Variants in PARP11 observed in about 807,000 individuals in gnomAD.
The protein encoded by PARP11 is protein mono-ADP-ribosyltransferase PARP11.
A neutral mutation model predicts 42.9 loss-of-function variants in PARP11; 31 were observed. The ratio of observed to expected loss-of-function variants is 0.72; its 90% CI spans 0.54 to 0.98. The LOEUF (loss-of-function observed/expected upper bound fraction) is 0.98, where lower values mean the gene tolerates loss of function less well. PARP11 is among the 50% of genes least tolerant of loss of function. The pLI is 0.00. For synonymous variants in PARP11, 137 were observed against 127.3 expected (o/e 1.08, Z -0.51); for missense variants, 365 against 413.1 (o/e 0.88, Z 1.01).
intron 1 of PARP11, among the ~76,000 whole-genome samples, chr12:3,856,207 G>C (rs1948186211): frequency 6.6e-6 from 1 of 152,152 alleles, no homozygotes; most frequent in African/African-American, 2.4e-5. Context: ...TCAGGACATA[G>C]GCATGGGCAA....
chr12:3,815,200 C>T, intron 6 of PARP11: 6 of 406,676 alleles, frequency 1.5e-5, no homozygotes, highest in South Asian at 1.1e-4. Flanking sequence ...GAATCCCCTC[C>T]CCCGGCTTCT....
intron 1 of PARP11, chr12:3,872,378 G>A (rs1044097388): frequency 1.3e-5 from 3 of 232,492 alleles, no homozygotes; most frequent in Admixed American, 1.3e-4. Context: ...TCTGTTTTAA[G>A]GAGTGGTGGC....
intron 4 of PARP11, among the ~76,000 whole-genome samples, chr12:3,823,831 A>T (rs993667727): frequency 6.6e-6 from 1 of 151,332 alleles, no homozygotes; most frequent in African/African-American, 2.4e-5. Flanking sequence ...CAGGAGAATC[A>T]CTTGAACCTG....
At chr12:3,826,861 A>G (rs781473239) in intron 3 of PARP11, among the ~76,000 whole-genome samples, 1 of 152,188 alleles carries the variant, frequency 6.6e-6, no homozygotes, top group African/African-American at 2.4e-5. Context: ...AGTCATACCA[A>G]TATTTACCAG....
intron 1 of PARP11, chr12:3,839,489 A>G (rs2138068721): frequency 8.7e-6 from 14 of 1,610,398 alleles, no homozygotes; most frequent in Non-Finnish European, 1.0e-5. Flanking sequence ...CGCCATGTTG[A>G]AGTCAGAATG....
chr12:3,871,729 G>T (rs1187849506), intron 1 of PARP11: 1 of 152,146 alleles, frequency 6.6e-6, no homozygotes, highest in African/African-American at 2.4e-5. Context: ...AACAACAGAA[G>T]AATACTCTTG....
chr12:3,840,051 ACT>A lies in PARP11; in HGVS notation c.19-10035_19-10034del, dbSNP rs1947854891. On this transcript the variant is annotated intron_variant, in intron 1 of 7. Transcript: ENST00000228820. This position sits in a 1 kb window ranked among gnomAD's most constrained non-coding sequence, Gnocchi z 4.4. ...CTTTGGCTAGAAAGGTTCTTAAGTC[ACT>A]CAATCCTGCAGTCTATAGAAATGTG... 9.9e-6 allele frequency: 16 copies of A among 1,609,518 alleles called. No individual in the cohort carries two copies. The highest frequency in any genetic ancestry group is 3.3e-5 in the Admixed American group (2 of 60,010).
At chr12:3,827,548 C>T (rs1387771902) in intron 3 of PARP11, among the ~76,000 whole-genome samples, 1 of 151,930 alleles carries the variant, frequency 6.6e-6, no homozygotes, top group Non-Finnish European at 1.5e-5. Flanking sequence ...TCTGCCTAGA[C>T]TGCAACAGAG....
In PARP11 at chr12:3,810,118, T is replaced by C. The variant is rs1232083915; in HGVS notation, c.*2005A>G. Reference sequence around the variant, plus strand: ...GTAGATCCCTTTCTAATTCAAATGATTCAAGTGAGCAATATAAGCATAGAC... The same window carrying C: ...GTAGATCCCTTTCTAATTCAAATGACTCAAGTGAGCAATATAAGCATAGAC... On this transcript the variant is annotated 3_prime_UTR_variant, in exon 8 of 8. Transcript: ENST00000228820. The C allele has an allele frequency of 6.6e-6, 1 of 152,232 alleles. No homozygotes were observed. Among genetic ancestry groups the C allele is most frequent in the Non-Finnish European group, 1.5e-5 (1 of 68,038 alleles). The allele number at this position is 152,232 out of a possible 1,614,324, so 9.4% of individuals were successfully genotyped here. A position where few individuals can be genotyped will look rare whatever the true frequency, so the allele number is the denominator to read the frequency against.
chr12:3,867,954 C>G (rs1333080803), intron 1 of PARP11, among the ~76,000 whole-genome samples: 102 of 152,332 alleles, frequency 6.7e-4, no homozygotes, highest in African/African-American at 2.3e-3. Context: ...TATTCCTAAA[C>G]ATCTGACAGC....
chr12:3,855,487 T>C (rs551174954), intron 1 of PARP11, among the ~76,000 whole-genome samples: 31 of 149,774 alleles, frequency 2.1e-4, no homozygotes, highest in Non-Finnish European at 4.4e-4. Flanking sequence ...TACACACCAA[T>C]AACAGAGAGC....
chr12:3,859,709 C>T (rs1046306542), intron 1 of PARP11, among the ~76,000 whole-genome samples: 2 of 151,936 alleles, frequency 1.3e-5, no homozygotes, highest in Admixed American at 1.3e-4. Context: ...CACAGAAATA[C>T]ACTTTAGATT....
At chr12:3,844,989 A>G (rs1195073085) in intron 1 of PARP11, among the ~76,000 whole-genome samples, 2 of 152,236 alleles carry the variant, frequency 1.3e-5, no homozygotes, top group East Asian at 3.8e-4. Context: ...AAGAGAATAG[A>G]GGCAAAAGTA....
chr12:3,821,949 C>T lies in PARP11; in HGVS notation c.472G>A (p.Gly158Arg). 1.2e-6 allele frequency: 2 copies of T among 1,610,326 alleles called. No homozygotes were observed. The highest frequency in any genetic ancestry group is 1.7e-6 in the Non-Finnish European group (2 of 1,178,988). ...HEYNEVANLF[G>R]KTMDRNRIKR... ...ATTCGGTTGCGATCCATCGTCTTCC[C>T]AAAGAGATTAGCAACTTCATTATAT... Residue 158 changes from glycine (G) to arginine (R), a missense_variant, in exon 6 of 8, where the codon GGG becomes AGG. By Grantham distance (125) the Gly-to-Arg change is moderately radical. Coordinates refer to ENST00000228820, the MANE Select transcript of PARP11 (RefSeq NM_020367.6).
chr12:3,842,095 T>C (rs1158698749), intron 1 of PARP11: 2 of 1,606,492 alleles, frequency 1.2e-6, no homozygotes, highest in South Asian at 1.1e-5. Flanking sequence ...GAGAGAGAAA[T>C]TGTGCCTGTT....
At chr12:3,873,035 C>T (rs1391566546) in intron 1 of PARP11, among the ~76,000 whole-genome samples, 177 bp downstream of exon 1, 2 of 152,258 alleles carry the variant, frequency 1.3e-5, no homozygotes, top group African/African-American at 2.4e-5. Context: ...TCCACCCAGG[C>T]ACTTCCACTG....
chr12:3,859,352 C>T (rs1470506394), intron 1 of PARP11, among the ~76,000 whole-genome samples: 3 of 151,870 alleles, frequency 2.0e-5, no homozygotes, highest in Non-Finnish European at 4.4e-5. Context: ...ATCACAAGGT[C>T]AGGAGATCGA....
At chr12:3,866,206 G>A (rs747067013) in intron 1 of PARP11, among the ~76,000 whole-genome samples, 6 of 151,920 alleles carry the variant, frequency 3.9e-5, no homozygotes, top group African/African-American at 9.7e-5. Flanking sequence ...CTTATCTCAC[G>A]GTAACATTTC....
intron 1 of PARP11, chr12:3,841,433 C>A: frequency 7.5e-7 from 1 of 1,337,816 alleles, no homozygotes; most frequent in Non-Finnish European, 1.1e-6. Context: ...GAGGCTCCTG[C>A]CGCCCAGAAT....
Sources: gnomAD v4.1 joint callset for allele counts (sites outside exome capture counted in the v4.1 genomes callset) on GRCh38, gnomAD v4.1.1 for gene constraint, Gnocchi (gnomAD v3.1) non-coding constraint, MANE v1.5 for transcripts, NCBI Gene and HGNC (gene_info 2026-07-23, HGNC 2026-07-21) for gene names.